The following KDM4B variants were observed in gnomAD, a reference collection of about 807,000 sequenced individuals.
KDM4B encodes lysine-specific demethylase 4B.
In KDM4B, 32 loss-of-function variants were observed where a neutral mutation model predicts 125.2. The observed-to-expected ratio is 0.26, with a 90% CI of 0.19 to 0.34. The LOEUF is 0.34. Ranked by LOEUF, KDM4B falls within the 10% of genes least tolerant of loss-of-function variation. The probability of loss-of-function intolerance (pLI) is 1.00; values close to 1 mark genes in which losing one functional copy is unlikely to be tolerated. For missense variants in KDM4B, 1,190 were observed against 1,577.7 expected, an observed-to-expected ratio of 0.75 and a Z score of 4.16; for synonymous variants, 721 against 677.9, an observed-to-expected ratio of 1.06 and a Z score of -0.99.
At chr19:5,027,906 T>A (rs550406869) in intron 2 of KDM4B, among the ~76,000 whole-genome samples, 1 of 152,338 alleles carries the variant, frequency 6.6e-6, no homozygotes, top group Non-Finnish European at 1.5e-5. Context: ...GTTCACCCAT[T>A]TAAAGTGTCC....
intron 22 of KDM4B, among the ~76,000 whole-genome samples, chr19:5,150,722 C>A (rs141230104): frequency 6.6e-6 from 1 of 152,092 alleles, no homozygotes; most frequent in African/African-American, 2.4e-5. Context: ...CCCCTTATCA[C>A]GAATGCAGAA....
At chr19:5,148,549 C>T (rs1448884520) in intron 21 of KDM4B, among the ~76,000 whole-genome samples, 4 of 152,214 alleles carry the variant, frequency 2.6e-5, no homozygotes, top group Admixed American at 2.6e-4. Context: ...CCACGCCTGC[C>T]AGAAGCCGAG....
chr19:4,989,566 C>T (rs2145369288), intron 1 of KDM4B, among the ~76,000 whole-genome samples: 1 of 152,210 alleles, frequency 6.6e-6, no homozygotes, highest in African/African-American at 2.4e-5. Flanking sequence ...GTCTTGAACT[C>T]CTGACCTCAG....
At chr19:5,020,512 G>A (rs186373227) in intron 2 of KDM4B, among the ~76,000 whole-genome samples, 276 of 152,280 alleles carry the variant, frequency 1.8e-3, no homozygotes, top group Non-Finnish European at 3.3e-3. Context: ...CGTGCATGAG[G>A]GCTGCCTCTG....
At chr19:5,047,452 C>T (rs545595724) in intron 5 of KDM4B, 24 bp from the exon 6 acceptor site, 17 of 1,578,028 alleles carry the variant, frequency 1.1e-5, no homozygotes, top group Middle Eastern at 3.4e-4. Context: ...GGGCGGTTGC[C>T]GACGCTGCTC....
chr19:5,144,198 C>CCCACCGACACCCGCGCTGACCG, intron 19 of KDM4B, 46 bp downstream of exon 19: 1 of 1,584,316 alleles, frequency 6.3e-7, no homozygotes, highest in Non-Finnish European at 8.6e-7. Flanking sequence ...GGCTCCCGCC[C>CCCACCGACACCCGCGCTGACCG]CCACCGACAC....
At chr19:4,973,841 A>C (rs9676789) in intron 1 of KDM4B, among the ~76,000 whole-genome samples, 56,851 of 150,830 alleles carry the variant, frequency 0.38, 11,299 homozygotes, top group East Asian at 0.73. Flanking sequence ...AAAAAAAAAA[A>C]AAAACTGGCT....
intron 9 of KDM4B, among the ~76,000 whole-genome samples, chr19:5,105,832 T>C (rs900542130): frequency 1.1e-4 from 17 of 152,182 alleles, no homozygotes; most frequent in African/African-American, 4.1e-4. Flanking sequence ...CCTTGTAGCG[T>C]GAACACAGCT....
chr19:5,107,900 C>T (rs1444475260), intron 9 of KDM4B, among the ~76,000 whole-genome samples: 1 of 152,246 alleles, frequency 6.6e-6, no homozygotes, highest in Non-Finnish European at 1.5e-5. Flanking sequence ...CTGTTTGCTT[C>T]TTGGGTGTCC....
intron 2 of KDM4B, among the ~76,000 whole-genome samples, chr19:5,030,981 T>C (rs945751014): frequency 3.9e-5 from 6 of 152,208 alleles, no homozygotes; most frequent in Non-Finnish European, 7.4e-5. Context: ...AGGGCTGCCC[T>C]GACAGGTGCC....
At chr19:5,089,220 G>C (rs143463152) in intron 9 of KDM4B, among the ~76,000 whole-genome samples, 7 of 152,322 alleles carry the variant, frequency 4.6e-5, no homozygotes, top group African/African-American at 1.7e-4. Context: ...CCTTCCCCCA[G>C]ATCAGCTCTC....
intron 11 of KDM4B, among the ~76,000 whole-genome samples, chr19:5,123,166 GC>G (rs946674466): frequency 2.0e-5 from 3 of 152,244 alleles, no homozygotes; most frequent in African/African-American, 7.2e-5. Flanking sequence ...ACTGCTCCAC[GC>G]CCTGTGGCTC....
chr19:5,141,235 G>A lies in KDM4B; in HGVS notation c.2551-2732G>A, dbSNP rs1180150277. On this transcript the variant is annotated intron_variant, in intron 18 of 22. Coordinates refer to ENST00000159111, the MANE Select transcript of KDM4B (RefSeq NM_015015.3). The surrounding 1 kb of genome is among the most constrained non-coding windows in gnomAD (Gnocchi z 6.4). ...AGCCCTCTTTCCTTGTTCGTGGAGT[G>A]GAGTGTGCAGTGGGTCACGCCGGCC... The A allele has an allele frequency of 6.6e-6, 1 of 152,224 alleles. No homozygotes were observed. Among genetic ancestry groups the A allele is most frequent in the African/African-American group, 2.4e-5 (1 of 41,456 alleles). The allele number at this position is 152,224 out of a possible 1,614,324, so 9.4% of individuals were successfully genotyped here.
intron 6 of KDM4B, among the ~76,000 whole-genome samples, chr19:5,052,258 C>G (rs2037251322): frequency 6.6e-6 from 1 of 151,942 alleles, no homozygotes; most frequent in Non-Finnish European, 1.5e-5. Flanking sequence ...GCAGGCATAG[C>G]CGTCTTTTGC....
chr19:5,058,129 G>C (rs942807845), intron 6 of KDM4B, among the ~76,000 whole-genome samples: 3 of 152,254 alleles, frequency 2.0e-5, no homozygotes, highest in African/African-American at 7.2e-5. Flanking sequence ...GTCCAGCTGG[G>C]AAGGGGCAGG....
chr19:5,090,360 CTCCTCATCTCTCTCT>C (rs2038651992), intron 9 of KDM4B, among the ~76,000 whole-genome samples: 1 of 139,820 alleles, frequency 7.2e-6, no homozygotes, highest in African/African-American at 2.8e-5. Flanking sequence ...CTCTCTCTCT[CTCCTCATCTCTCTCT>C]CCCCCCATAT....
At chr19:5,005,045 C>T (rs1325394728) in intron 1 of KDM4B, among the ~76,000 whole-genome samples, 1 of 152,204 alleles carries the variant, frequency 6.6e-6, no homozygotes, top group South Asian at 2.1e-4. Flanking sequence ...TCTGCGCGCT[C>T]TGTGTGTGCC....
intron 9 of KDM4B, among the ~76,000 whole-genome samples, chr19:5,084,586 A>ACATAATTTATAT (rs1568285814): frequency 7.0e-6 from 1 of 142,180 alleles, no homozygotes; most frequent in Non-Finnish European, 1.5e-5. Flanking sequence ...ATTATATATA[A>ACATAATTTATAT]ATATAAATTA....
chr19:5,129,432 G>A (rs1414123939), intron 11 of KDM4B, among the ~76,000 whole-genome samples: 1 of 152,222 alleles, frequency 6.6e-6, no homozygotes, highest in African/African-American at 2.4e-5. Flanking sequence ...TGTGGAGCTG[G>A]GGGCAGCCCG....
Sources: allele counts gnomAD v4.1 joint callset (sites outside exome capture counted in the v4.1 genomes callset), GRCh38; gene constraint gnomAD v4.1.1; non-coding constraint Gnocchi (gnomAD v3.1); transcripts MANE v1.5; gene names NCBI Gene and HGNC (gene_info 2026-07-23, HGNC 2026-07-21).